The following XRCC3 variants were observed in gnomAD, a reference collection of about 807,000 sequenced individuals.
XRCC3 encodes X-ray repair cross complementing 3, also known as DNA repair protein XRCC3.
XRCC3 carries 34 observed loss-of-function variants against 29.2 expected under a neutral mutation model. The observed-to-expected ratio is 1.16, with a 90% CI of 0.88 to 1.55. The LOEUF (loss-of-function observed/expected upper bound fraction) is 1.55. Ranked by LOEUF, XRCC3 falls within the 40% of genes most tolerant of loss-of-function variation. The pLI, the probability that XRCC3 is intolerant of heterozygous loss-of-function variation, is 0.00. For synonymous variants in XRCC3, 223 were observed against 211.3 expected (o/e 1.06, Z -0.48); for missense variants, 463 against 467.6 (o/e 0.99, Z 0.09).
At position 103,703,190 on chromosome 14, in the gene XRCC3, C is replaced by G. The variant is rs745494547; in HGVS notation, c.544G>C (p.Glu182Gln). ...ACACTCACCACATCGGCCACGTGCT[C>G]GATGAAGATCTGGCTGCCAAATCGG... is the stretch of plus-strand genomic sequence containing the variant. The part of the protein sequence containing the change: ...KLRFGSQIFI[E>Q]HVADVDTLLE... The change falls in exon 7 of 10, where the codon GAG becomes CAG. Residue 182 changes from glutamate (E) to glutamine (Q), a missense_variant. Glu to Gln is a conservative substitution (Grantham distance 29). Transcript: ENST00000555055. 6.4e-7 allele frequency: 1 copy of G among 1,572,084 alleles called. No homozygotes were observed. Among genetic ancestry groups the G allele is most frequent in the Non-Finnish European group, 8.6e-7 (1 of 1,158,372 alleles).
At position 103,703,494 on chromosome 14, in the gene XRCC3, A is replaced by C. The variant is rs3212086; in HGVS notation, c.407-167T>G. 6.6e-3 allele frequency: 5,127 copies of C among 781,710 alleles called. 125 individuals carry two copies. Among genetic ancestry groups the C allele is most frequent in the African/African-American group, 0.061 (3,583 of 58,414 alleles). 48.4% of individuals were successfully genotyped at this position (781,710 alleles called of 1,614,324 possible). ...GGCTGGTGCTTTTTCTCACCCTCCCACTGGCAGCCACCTCCGGGGCCAGGT... is the reference window on the plus strand; with the variant it reads ...GGCTGGTGCTTTTTCTCACCCTCCCCCTGGCAGCCACCTCCGGGGCCAGGT... On this transcript the variant is annotated intron_variant, in intron 6 of 9. Coordinates refer to ENST00000555055, the MANE Select transcript of XRCC3 (RefSeq NM_005432.4).
At chr14:103,702,918 G>A in intron 7 of XRCC3, 1 of 548,810 alleles carries the variant, frequency 1.8e-6, no homozygotes, top group Non-Finnish European at 3.2e-6. Context: ...GATCCCCAAG[G>A]CACACCTTCA....
chr14:103,703,498 G>A, intron 6 of XRCC3, 171 bp from the exon 7 acceptor site: 5 of 768,140 alleles, frequency 6.5e-6, no homozygotes, highest in Non-Finnish European at 1.1e-5. Context: ...CCTCCCACTG[G>A]CAGCCACCTC....
Position 103,703,250 on chromosome 14 carries a change from GC to G in XRCC3, c.483del (p.Arg162AlafsTer33). 6.4e-7 allele frequency: 1 copy of G among 1,561,864 alleles called. No homozygotes were observed. The highest frequency in any genetic ancestry group is 1.2e-5 in the South Asian group (1 of 85,478). On this transcript the variant is annotated frameshift_variant, in exon 7 of 10. Coordinates refer to ENST00000555055, the MANE Select transcript of XRCC3 (RefSeq NM_005432.4). LOFTEE classifies it high-confidence loss of function. ...LQQLMAQQPR[L>X]RTDVPGELLQ... ...AGCAGCTCTCCTGGAACGTCAGTGC[GC>G]AGCCGCGGCTGCTGGGCCATGAGCT...
intron 4 of XRCC3, chr14:103,709,459 C>A: frequency 6.5e-6 from 1 of 153,716 alleles, no homozygotes. Context: ...ACATCAGAAA[C>A]CCCCTCAACA....
rs967672536 is a variant in XRCC3 at position 103,698,720 on chromosome 14, C to T, written c.*78G>A. 6 of 1,351,022 alleles carry T rather than the reference C, an allele frequency of 4.4e-6. No individual in the cohort carries two copies. The highest frequency in any genetic ancestry group is 6.2e-6 in the Non-Finnish European group (6 of 968,094). 83.7% of individuals were successfully genotyped at this position (1,351,022 alleles called of 1,614,324 possible). On this transcript the variant is annotated 3_prime_UTR_variant, in exon 10 of 10. Transcript: ENST00000555055. ...CCAGGCTCCCAGCTGTGCCACGGCC[C>T]AGGCAGACGCGTTTTAAAGGCCCGA... is the stretch of plus-strand genomic sequence containing the variant.
rs1423588453 is a variant in XRCC3, at chr14:103,698,630, C to CA, written c.*167dup. 1.8e-5 allele frequency: 12 copies of CA among 673,534 alleles called. No homozygotes were observed. The East Asian group carries it at 3.3e-4, about 18-fold the overall frequency. The allele number at this position is 673,534 out of a possible 1,614,324, so 41.7% of individuals were successfully genotyped here. A position where few individuals can be genotyped will look rare whatever the true frequency, so the allele number is the denominator to read the frequency against. ...ACATCCCCCCAGCTCAGATGGGGGT[C>CA]AGTCTGTGGCCACCATCTTCGGATG... On this transcript the variant is annotated 3_prime_UTR_variant, in exon 10 of 10. Transcript: ENST00000555055.
chr14:103,702,944 G>A, intron 7 of XRCC3: 1 of 638,828 alleles, frequency 1.6e-6, no homozygotes, highest in Non-Finnish European at 2.7e-6. Flanking sequence ...GGTCCTGGCA[G>A]GATGCTTTAG....
At chr14:103,707,927 A>C (rs772709115) in intron 5 of XRCC3, 2 of 213,626 alleles carry the variant, frequency 9.4e-6, no homozygotes, top group Non-Finnish European at 1.9e-5. Flanking sequence ...CCCTGCCCAC[A>C]GCACCGTGTG....
intron 4 of XRCC3, 151 bp from the exon 5 acceptor site, chr14:103,708,810 C>T: frequency 1.0e-6 from 1 of 973,846 alleles, no homozygotes. Flanking sequence ...CCCCTGCTCC[C>T]TGGAAACCCT....
chr14:103,706,433 T>G lies in XRCC3; in HGVS notation c.406+570A>C, dbSNP rs139263054. The G allele has an allele frequency of 1.6e-3, 710 of 455,918 alleles. 6 individuals are homozygous for G. The highest frequency in any genetic ancestry group is 0.013 in the African/African-American group (648 of 50,188). 28.2% of individuals were successfully genotyped at this position (455,918 alleles called of 1,614,324 possible). A position where few individuals can be genotyped will look rare whatever the true frequency, so the allele number is the denominator to read the frequency against. The stretch of plus-strand genomic sequence containing the variant: ...TCGCATGTTGACACCAGGGAATTAG[T>G]TTAAAAGTTAAGGAGCTACTGAGAA... On this transcript the variant is annotated intron_variant, in intron 6 of 9. Transcript: ENST00000555055.
rs2082920184 is a variant in XRCC3, at chr14:103,699,469, A to C, written c.669T>G (p.Phe223Leu). ...DSVAAPFRCE[F>L]DSQASAPRAR... ...CCCTGGGGGCGGAGGCCTGGCTGTC[A>C]AATTCACAGCGGAATGGGGCTGCCA... The change falls in exon 8 of 10, where the codon TTT becomes TTG. Residue 223 changes from phenylalanine (F) to leucine (L), a missense_variant. Phe to Leu is a conservative substitution (Grantham distance 22). Transcript: ENST00000555055. 1.9e-6 allele frequency: 3 copies of C among 1,612,856 alleles called. No individual in the cohort carries two copies. Among genetic ancestry groups the C allele is most frequent in the Non-Finnish European group, 2.5e-6 (3 of 1,179,964 alleles).
Position 103,711,489 on chromosome 14 carries a change from C to G in XRCC3, c.-182G>C. ...ACCTCTCTGGGGCTTGGGGATGACC[C>G]GCGTGTTTTTGGCTGACTTGACTGA... On this transcript the variant is annotated 5_prime_UTR_variant, in exon 3 of 10. Coordinates refer to ENST00000555055, the MANE Select transcript of XRCC3 (RefSeq NM_005432.4). The G allele has an allele frequency of 2.1e-6, 1 of 475,896 alleles. No individual in the cohort carries two copies. Among genetic ancestry groups the G allele is most frequent in the South Asian group, 1.5e-5 (1 of 64,778 alleles). 29.5% of individuals were successfully genotyped at this position (475,896 alleles called of 1,614,324 possible).
At chr14:103,703,615 GGA>G (rs1313576525) in intron 6 of XRCC3, 2 of 462,134 alleles carry the variant, frequency 4.3e-6, no homozygotes, top group African/African-American at 4.0e-5. Context: ...GCCACAGATG[GGA>G]GGCCTCTCCT....
chr14:103,701,190 T>G (rs1213390127), intron 7 of XRCC3: 3 of 1,550,750 alleles, frequency 1.9e-6, no homozygotes, highest in Non-Finnish European at 2.6e-6. Flanking sequence ...ACCTTCTATC[T>G]TCTCTTGCAG....
intron 7 of XRCC3, chr14:103,702,916 A>C: frequency 1.8e-6 from 1 of 544,458 alleles, no homozygotes; most frequent in Middle Eastern, 5.1e-4. Context: ...CTGATCCCCA[A>C]GGCACACCTT....
intron 6 of XRCC3, chr14:103,706,113 C>G (rs966973243): frequency 5.1e-5 from 18 of 349,846 alleles, no homozygotes; most frequent in African/African-American, 3.9e-4. Context: ...TCACCCTCCA[C>G]CCGACACGGA....
intron 6 of XRCC3, chr14:103,704,019 AC>A (rs1181996756): frequency 6.5e-6 from 1 of 154,998 alleles, no homozygotes; most frequent in African/African-American, 2.4e-5. Flanking sequence ...CCACCGTAGC[AC>A]GTTTCATGAC....
At chr14:103,706,482 C>G in intron 6 of XRCC3, 3 of 438,190 alleles carry the variant, frequency 6.8e-6, no homozygotes, top group South Asian at 4.9e-5. Context: ...TCACAGCTCA[C>G]AGTTTAAAAC....
Sources: allele counts gnomAD v4.1 joint callset, GRCh38; gene constraint gnomAD v4.1.1; transcripts MANE v1.5; gene names NCBI Gene and HGNC (gene_info 2026-07-23, HGNC 2026-07-21).